The following AGTPBP1 variants were observed in gnomAD, a reference collection of about 807,000 sequenced individuals.
The protein encoded by AGTPBP1 is ATP/GTP binding carboxypeptidase 1.
Under a neutral mutation model 143.9 loss-of-function variants are expected in AGTPBP1, and 70 were observed. That is an observed-to-expected ratio of 0.49 (90% CI 0.40 to 0.59). The LOEUF is 0.59. AGTPBP1 is among the 20% of genes least tolerant of loss of function. The probability of loss-of-function intolerance (pLI) is 0.00; values close to 1 mark genes in which losing one functional copy is unlikely to be tolerated. For synonymous variants in AGTPBP1, 463 were observed against 500.2 expected (o/e 0.93, Z 0.99); for missense variants, 1,229 against 1,464.5 (o/e 0.84, Z 2.62).
intron 1 of AGTPBP1, among the ~76,000 whole-genome samples, chr9:85,728,952 G>C (rs1199223911): frequency 6.6e-6 from 1 of 152,050 alleles, no homozygotes; most frequent in East Asian, 1.9e-4. Context: ...CACTTTTAAT[G>C]TTAATTGTAC....
chr9:85,639,367 G>GCACACA (rs60915473), intron 13 of AGTPBP1, among the ~76,000 whole-genome samples: 6,455 of 147,278 alleles, frequency 0.044, 214 homozygotes, highest in African/African-American at 0.1. Context: ...GCGCGCACGC[G>GCACACA]CACACACACA....
At chr9:85,620,537 A>G (rs939348997) in intron 15 of AGTPBP1, among the ~76,000 whole-genome samples, 1 of 152,160 alleles carries the variant, frequency 6.6e-6, no homozygotes, top group Non-Finnish European at 1.5e-5. Context: ...GGCTAATTGA[A>G]TTTCTCATAT....
At chr9:85,669,022 C>CAA (rs1196997645) in intron 8 of AGTPBP1, among the ~76,000 whole-genome samples, 1 of 138,176 alleles carries the variant, frequency 7.2e-6, no homozygotes, top group Admixed American at 7.2e-5. Flanking sequence ...CATACACACA[C>CAA]ACACACACAC....
the AGTPBP1 span, among the ~76,000 whole-genome samples, chr9:85,768,177 A>G: frequency 2.0e-4 from 31 of 152,336 alleles, no homozygotes; most frequent in East Asian, 3.9e-3. Context: ...TTGGGTTTCT[A>G]TATTCACACT....
chr9:85,713,539 C>A (rs552265080), intron 1 of AGTPBP1, among the ~76,000 whole-genome samples: 1 of 151,990 alleles, frequency 6.6e-6, no homozygotes, highest in East Asian at 1.9e-4. Flanking sequence ...CTCAAAAAAA[C>A]AAACAAACAA....
chr9:85,718,861 G>A (rs919069172), intron 1 of AGTPBP1, among the ~76,000 whole-genome samples: 1 of 152,138 alleles, frequency 6.6e-6, no homozygotes, highest in African/African-American at 2.4e-5. Flanking sequence ...GGTAAGGAAG[G>A]GATCCAGTTT....
intron 14 of AGTPBP1, among the ~76,000 whole-genome samples, chr9:85,630,263 C>T (rs1364825907): frequency 6.6e-6 from 1 of 152,160 alleles, no homozygotes; most frequent in Non-Finnish European, 1.5e-5. Context: ...TAAGGGGAAA[C>T]TTGGAAGAAA....
chr9:85,793,895 T>C, the AGTPBP1 span, among the ~76,000 whole-genome samples: 2 of 152,148 alleles, frequency 1.3e-5, no homozygotes, highest in African/African-American at 4.8e-5. Context: ...ATGGCATCTA[T>C]ATGTAAATGC....
chr9:85,773,317 A>ATT, the AGTPBP1 span, among the ~76,000 whole-genome samples: 3 of 98,984 alleles, frequency 3.0e-5, no homozygotes, highest in Non-Finnish European at 4.1e-5. Flanking sequence ...ATTCCAACAA[A>ATT]TTCTTTTTTT....
At chr9:85,683,164 T>C (rs1426123720) in intron 3 of AGTPBP1, among the ~76,000 whole-genome samples, 2 of 152,132 alleles carry the variant, frequency 1.3e-5, no homozygotes, top group African/African-American at 2.4e-5. Context: ...TAAAAGAATA[T>C]AAAATTTACC....
intron 1 of AGTPBP1, among the ~76,000 whole-genome samples, chr9:85,733,798 A>G (rs1427431149): frequency 6.6e-6 from 1 of 152,178 alleles, no homozygotes; most frequent in Non-Finnish European, 1.5e-5. Context: ...CAAAACCAAA[A>G]AGGATTATAA....
chr9:85,759,789 G>A, the AGTPBP1 span, among the ~76,000 whole-genome samples: 15 of 152,266 alleles, frequency 9.9e-5, no homozygotes, highest in South Asian at 6.2e-4. Context: ...AACTGAAGGA[G>A]ATAGAGACAC....
intron 1 of AGTPBP1, among the ~76,000 whole-genome samples, chr9:85,728,052 C>T (rs1441410926): frequency 3.3e-5 from 5 of 150,492 alleles, no homozygotes; most frequent in African/African-American, 9.8e-5. Context: ...CACACACACA[C>T]ACACACACAC....
chr9:85,574,463 C>CAAA (rs4011699), intron 25 of AGTPBP1, among the ~76,000 whole-genome samples: 1 of 116,120 alleles, frequency 8.6e-6, no homozygotes. Flanking sequence ...CAAGAATGAT[C>CAAA]AAAAAAAAAA....
chr9:85,616,719 T>C lies in AGTPBP1; in HGVS notation c.2335+2264A>G, dbSNP rs567188353. ...AAATAGGGAAATCACTAGGTTTCTT[T>C]ACTTATTTTAATATACTTTGAATGA... On this transcript the variant is annotated intron_variant, in intron 17 of 25. Coordinates refer to ENST00000357081, the MANE Select transcript of AGTPBP1 (RefSeq NM_001330701.2). Among the ~76,000 whole-genome samples the C allele has an allele frequency of 2.0e-5, 3 of 152,084 alleles. No individual in the cohort carries two copies. In the South Asian group the frequency reaches 6.2e-4, roughly 32 times the overall value.
chr9:85,621,172 T>C (rs1457763997), intron 15 of AGTPBP1, 30 bp downstream of exon 15: 6 of 1,261,726 alleles, frequency 4.8e-6, no homozygotes, highest in Non-Finnish European at 5.3e-6. Context: ...AACTTAAAAC[T>C]AATAAAAGTT....
intron 2 of AGTPBP1, 101 bp from the exon 3 acceptor site, chr9:85,692,914 CAGAA>C: frequency 2.2e-6 from 3 of 1,368,900 alleles, no homozygotes; most frequent in Non-Finnish European, 3.0e-6. Context: ...CTTTTAAAAA[CAGAA>C]AGCATTTACA....
chr9:85,576,534 A>C (rs1228186939), intron 24 of AGTPBP1, among the ~76,000 whole-genome samples: 1 of 152,204 alleles, frequency 6.6e-6, no homozygotes, highest in Non-Finnish European at 1.5e-5. Context: ...TTGACCTTTT[A>C]ATTTGTAAGT....
intron 1 of AGTPBP1, 94 bp from the exon 2 acceptor site, chr9:85,712,660 T>C (rs1040262839): frequency 3.9e-6 from 2 of 513,058 alleles, no homozygotes; most frequent in Non-Finnish European, 3.2e-6. Context: ...GTTTTCATTA[T>C]GGGCAACACA....
Sources: gnomAD v4.1 joint callset for allele counts (sites outside exome capture counted in the v4.1 genomes callset) on GRCh38, gnomAD v4.1.1 for gene constraint, MANE v1.5 for transcripts, NCBI Gene and HGNC (gene_info 2026-07-23, HGNC 2026-07-21) for gene names.